Variants in CFAP299 observed in about 807,000 individuals in gnomAD.
CFAP299 encodes the protein cilia and flagella associated protein 299.
A neutral mutation model predicts 27.0 loss-of-function variants in CFAP299; 21 were observed. The ratio of observed to expected loss-of-function variants is 0.78; its 90% confidence interval spans 0.55 to 1.12. The LOEUF (loss-of-function observed/expected upper bound fraction) is 1.12. CFAP299 is among the 50% of genes most tolerant of loss of function. The pLI is 0.00. For missense variants in CFAP299, 310 were observed against 276.6 expected (o/e 1.12, Z -0.86); for synonymous variants, 104 against 98.1 (o/e 1.06, Z -0.36).
chr4:80,799,168 T>TTA (rs1222533452), intron 3 of CFAP299, among the ~76,000 whole-genome samples: 3 of 97,750 alleles, frequency 3.1e-5, no homozygotes, highest in South Asian at 3.6e-4. Flanking sequence ...TATACAATAT[T>TTA]TATATATATT....
chr4:80,537,891 A>C (rs1272488912), intron 2 of CFAP299, among the ~76,000 whole-genome samples: 1 of 152,174 alleles, frequency 6.6e-6, no homozygotes, highest in Admixed American at 6.5e-5. Context: ...ACCATTTCCC[A>C]AAATGTACAT....
chr4:80,483,697 T>C (rs1363387560), intron 2 of CFAP299, among the ~76,000 whole-genome samples: 1 of 152,176 alleles, frequency 6.6e-6, no homozygotes, highest in African/African-American at 2.4e-5. Flanking sequence ...TTAAAAGTAA[T>C]GTTCTTACAA....
intron 3 of CFAP299, among the ~76,000 whole-genome samples, chr4:80,800,181 A>T: frequency 1.4e-5 from 1 of 72,722 alleles, no homozygotes; most frequent in Non-Finnish European, 2.3e-5. Context: ...AATATATAAT[A>T]ATATGTAATA....
chr4:80,535,082 TG>T (rs577906902), intron 2 of CFAP299, among the ~76,000 whole-genome samples: 13 of 152,248 alleles, frequency 8.5e-5, no homozygotes, highest in African/African-American at 3.1e-4. Context: ...AATTTGTGTG[TG>T]TGTGCCTATT....
chr4:80,719,084 T>A (rs1722665148), intron 3 of CFAP299, among the ~76,000 whole-genome samples: 1 of 152,028 alleles, frequency 6.6e-6, no homozygotes, highest in African/African-American at 2.4e-5. Flanking sequence ...AAGTGGGAGC[T>A]AAATGATGAG....
intron 3 of CFAP299, among the ~76,000 whole-genome samples, chr4:80,813,299 A>G (rs1474898281): frequency 5.3e-5 from 8 of 152,068 alleles, no homozygotes; most frequent in African/African-American, 1.9e-4. Flanking sequence ...CAGTAAATTT[A>G]GAAGCAATAT....
intron 2 of CFAP299, among the ~76,000 whole-genome samples, chr4:80,468,323 A>C (rs1375022541): frequency 6.6e-6 from 1 of 151,150 alleles, no homozygotes; most frequent in Non-Finnish European, 1.5e-5. Context: ...TCCTGGGTTC[A>C]AGTGATTCTC....
At chr4:80,699,642 C>T (rs532562916) in intron 3 of CFAP299, among the ~76,000 whole-genome samples, 1 of 152,216 alleles carries the variant, frequency 6.6e-6, no homozygotes, top group Non-Finnish European at 1.5e-5. Flanking sequence ...CTTCTCAGCT[C>T]CTATAACTAG....
intron 2 of CFAP299, among the ~76,000 whole-genome samples, chr4:80,443,197 C>T (rs906951874): frequency 1.3e-5 from 2 of 152,192 alleles, no homozygotes; most frequent in South Asian, 4.1e-4. Context: ...GGGCCAGCGT[C>T]ATCCTGATAC....
At chr4:80,430,467 A>G (rs1458998178) in intron 2 of CFAP299, among the ~76,000 whole-genome samples, 1 of 152,158 alleles carries the variant, frequency 6.6e-6, no homozygotes, top group Admixed American at 6.5e-5. Flanking sequence ...TGAATTTCTT[A>G]ATGTTGAGGT....
intron 3 of CFAP299, among the ~76,000 whole-genome samples, chr4:80,667,296 G>T (rs1275566334): frequency 6.6e-6 from 1 of 152,052 alleles, no homozygotes; most frequent in Non-Finnish European, 1.5e-5. Flanking sequence ...CAGTGTAATT[G>T]TGATATTCAT....
chr4:80,917,322 T>G (rs1404541678), intron 4 of CFAP299, among the ~76,000 whole-genome samples: 1 of 152,168 alleles, frequency 6.6e-6, no homozygotes, highest in Non-Finnish European at 1.5e-5. Context: ...CAATATGGAT[T>G]AGTTCAGTTG....
chr4:80,688,894 A>C (rs1324918125), intron 3 of CFAP299, among the ~76,000 whole-genome samples: 2 of 152,090 alleles, frequency 1.3e-5, no homozygotes, highest in East Asian at 3.8e-4. Context: ...TACGTGAAGA[A>C]TGCAGAAGCC....
chr4:80,707,836 A>T (rs1418207219), intron 3 of CFAP299, among the ~76,000 whole-genome samples: 2 of 152,106 alleles, frequency 1.3e-5, no homozygotes, highest in Admixed American at 1.3e-4. Context: ...GGGGTAAATG[A>T]GTATTCCATT....
chr4:80,353,520 A>G (rs909391580), intron 1 of CFAP299, among the ~76,000 whole-genome samples: 1 of 152,254 alleles, frequency 6.6e-6, no homozygotes, highest in Non-Finnish European at 1.5e-5. Context: ...TAAATTATCC[A>G]GATTGCCAAA....
At chr4:80,606,221 G>C (rs183677760) in intron 3 of CFAP299, among the ~76,000 whole-genome samples, 48 of 152,308 alleles carry the variant, frequency 3.2e-4, no homozygotes, top group African/African-American at 1.2e-3. Flanking sequence ...AATACTCTGA[G>C]TATAGTATGT....
At chr4:80,363,681 T>C (rs1264060652) in intron 2 of CFAP299, among the ~76,000 whole-genome samples, 1 of 152,246 alleles carries the variant, frequency 6.6e-6, no homozygotes. Context: ...GCCATTCTAA[T>C]GGTAATTGTG....
At chr4:80,363,600 T>G (rs10029323) in intron 2 of CFAP299, among the ~76,000 whole-genome samples, 1,604 of 152,316 alleles carry the variant, frequency 0.011, 12 homozygotes, top group Non-Finnish European at 0.017. Context: ...AAACTTCCCA[T>G]GTACACATTA....
At chr4:80,599,051 T>C (rs1737198257) in intron 3 of CFAP299, among the ~76,000 whole-genome samples, 1 of 152,196 alleles carries the variant, frequency 6.6e-6, no homozygotes, top group Non-Finnish European at 1.5e-5. Context: ...AAGTAAAAGC[T>C]TTATGCAAAA....
Sources: gnomAD v4.1 joint callset for allele counts (sites outside exome capture counted in the v4.1 genomes callset) on GRCh38, gnomAD v4.1.1 for gene constraint, MANE v1.5 for transcripts, NCBI Gene and HGNC (gene_info 2026-07-23, HGNC 2026-07-21) for gene names.